The following WASF3 variants were observed in gnomAD, a reference collection of about 807,000 sequenced individuals.
WASF3 encodes WASP family member 3.
WASF3 carries 11 observed loss-of-function variants against 46.6 expected under a neutral mutation model. That is an observed-to-expected ratio of 0.24 (90% confidence interval 0.15 to 0.39). WASF3 has a LOEUF of 0.39. Ranked by LOEUF, WASF3 falls within the 10% of genes least tolerant of loss-of-function variation. WASF3 has a pLI of 1.00. For missense variants in WASF3, 576 were observed against 669.8 expected (o/e 0.86, Z 1.55); for synonymous variants, 242 against 259.7 (o/e 0.93, Z 0.65).
At chr13:26,661,829 G>A (rs1368478875) in intron 3 of WASF3, among the ~76,000 whole-genome samples, 4 of 152,224 alleles carry the variant, frequency 2.6e-5, no homozygotes, top group African/African-American at 9.6e-5. Flanking sequence ...AGGTGGTGGT[G>A]AGAGGGATTT....
intron 1 of WASF3, among the ~76,000 whole-genome samples, chr13:26,559,188 A>G (rs75238315): frequency 6.6e-6 from 1 of 152,154 alleles, no homozygotes; most frequent in Non-Finnish European, 1.5e-5. Flanking sequence ...TAATGACTTC[A>G]GTGTAGTACT....
intron 8 of WASF3, among the ~76,000 whole-genome samples, chr13:26,681,730 C>G (rs976011470): frequency 2.0e-5 from 3 of 152,182 alleles, no homozygotes; most frequent in African/African-American, 7.2e-5. Context: ...CCTCATTTCT[C>G]AGACTTGACC....
chr13:26,540,468 G>C, the WASF3 span, among the ~76,000 whole-genome samples: 1 of 152,144 alleles, frequency 6.6e-6, no homozygotes, highest in Non-Finnish European at 1.5e-5. Context: ...ATTTCCTGCA[G>C]CTCACAACCT....
intron 1 of WASF3, among the ~76,000 whole-genome samples, chr13:26,562,296 G>A (rs1182156363): frequency 6.6e-6 from 1 of 152,176 alleles, no homozygotes; most frequent in East Asian, 1.9e-4. Context: ...TGGGGGTCAT[G>A]GTGTCCGAGG....
chr13:26,589,086 G>A (rs1192081180), intron 1 of WASF3, among the ~76,000 whole-genome samples: 2 of 152,160 alleles, frequency 1.3e-5, no homozygotes, highest in East Asian at 3.9e-4. Flanking sequence ...GAGCTACTGT[G>A]CCTGGCCCTG....
intron 7 of WASF3, chr13:26,680,113 G>T (rs1242181517): frequency 6.3e-7 from 1 of 1,598,312 alleles, no homozygotes. Flanking sequence ...AGAAGAGTGG[G>T]AGAGAAGGAA....
intron 2 of WASF3, chr13:26,622,821 T>C (rs1205663118): frequency 6.6e-6 from 1 of 152,080 alleles, no homozygotes; most frequent in Non-Finnish European, 1.5e-5. Flanking sequence ...TTTGTGAAAA[T>C]AGTTATCAGC....
At chr13:26,641,655 T>G (rs1258168018) in intron 2 of WASF3, among the ~76,000 whole-genome samples, 1 of 152,068 alleles carries the variant, frequency 6.6e-6, no homozygotes, top group Non-Finnish European at 1.5e-5. Flanking sequence ...GAACAGGTGG[T>G]CTTAAGCAGT....
chr13:26,597,735 G>A (rs1327200451), intron 1 of WASF3, among the ~76,000 whole-genome samples: 6 of 152,066 alleles, frequency 3.9e-5, no homozygotes, highest in Non-Finnish European at 7.4e-5. Context: ...TTGTCCTTGC[G>A]ATAGTTTGCT....
the WASF3 span, among the ~76,000 whole-genome samples, chr13:26,544,747 A>G: frequency 6.6e-6 from 1 of 152,174 alleles, no homozygotes; most frequent in East Asian, 1.9e-4. Context: ...TACCATGAGG[A>G]CTGCAGGACT....
At chr13:26,567,956 A>G (rs914964834) in intron 1 of WASF3, among the ~76,000 whole-genome samples, 2 of 152,104 alleles carry the variant, frequency 1.3e-5, no homozygotes, top group African/African-American at 4.8e-5. Flanking sequence ...TGAAGGAGTG[A>G]ACCAGCTAGG....
intron 3 of WASF3, among the ~76,000 whole-genome samples, chr13:26,655,657 C>T (rs9512305): frequency 0.29 from 43,848 of 151,998 alleles, 6,595 homozygotes; most frequent in South Asian, 0.39. Context: ...GCCATAATTT[C>T]TTCAACATTA....
At chr13:26,571,300 G>A (rs1879625367) in intron 1 of WASF3, among the ~76,000 whole-genome samples, 1 of 152,008 alleles carries the variant, frequency 6.6e-6, no homozygotes, top group Admixed American at 6.5e-5. Context: ...AATTGGGCAT[G>A]GGTTTTGAGT....
At position 26,612,945 on chromosome 13, in the gene WASF3, T is replaced by G. The variant is rs948209019; in HGVS notation, c.-108-16T>G. 6.6e-6 allele frequency: 1 copy of G among 152,148 alleles called. No individual in the cohort carries two copies. Among genetic ancestry groups the G allele is most frequent in the African/African-American group, 2.4e-5 (1 of 41,462 alleles). 9.4% of individuals were successfully genotyped at this position (152,148 alleles called of 1,614,324 possible). A position where few individuals can be genotyped will look rare whatever the true frequency, so the allele number is the denominator to read the frequency against. ...TTTTGCCTACTGGTAATTAATTTTT[T>G]TTCTTTTCTTTGTAGTTTTAGTTTT... On this transcript the variant is annotated splice_polypyrimidine_tract_variant and intron_variant, in intron 1 of 9. Coordinates refer to ENST00000335327, the MANE Select transcript of WASF3 (RefSeq NM_006646.6).
chr13:26,558,637 G>GA (rs1164623572), intron 1 of WASF3, among the ~76,000 whole-genome samples: 1 of 152,228 alleles, frequency 6.6e-6, no homozygotes, highest in African/African-American at 2.4e-5. Flanking sequence ...TGGTGGAGAC[G>GA]AGAGTTCTTA....
chr13:26,656,344 A>G, intron 3 of WASF3, among the ~76,000 whole-genome samples: 1 of 152,222 alleles, frequency 6.6e-6, no homozygotes, highest in Middle Eastern at 3.2e-3. Context: ...CTCTTTACCT[A>G]AACTCTCTTT....
At chr13:26,668,540 C>T (rs1882838335) in intron 5 of WASF3, among the ~76,000 whole-genome samples, 1 of 152,256 alleles carries the variant, frequency 6.6e-6, no homozygotes, top group East Asian at 1.9e-4. Flanking sequence ...ACTTCCATTA[C>T]TACCCTCTCA....
rs143158522 is a variant in WASF3, at chr13:26,577,481, A to C, written c.-109+19662A>C. ...CAGCATTGGAAAAGACATAGAAAAG[A>C]CTTGCCAATCCATTTATCCTCTCCA... On this transcript the variant is annotated intron_variant, in intron 1 of 9. Transcript: ENST00000335327. The C allele has an allele frequency of 1.4e-3, 1,479 of 1,057,218 alleles. 15 individuals are homozygous for C. The African/African-American group carries it at 0.02, about 14-fold the overall frequency. The allele number at this position is 1,057,218 out of a possible 1,614,324, so 65.5% of individuals were successfully genotyped here.
At chr13:26,568,274 G>A (rs1209091336) in intron 1 of WASF3, among the ~76,000 whole-genome samples, 1 of 152,178 alleles carries the variant, frequency 6.6e-6, no homozygotes, top group Non-Finnish European at 1.5e-5. Context: ...GAAGGTGGGT[G>A]TCTGTGTGCT....
Sources: allele counts gnomAD v4.1 joint callset (sites outside exome capture counted in the v4.1 genomes callset), GRCh38; gene constraint gnomAD v4.1.1; transcripts MANE v1.5; gene names NCBI Gene and HGNC (gene_info 2026-07-23, HGNC 2026-07-21).